The following ZBTB10 variants were observed in gnomAD, a reference collection of about 807,000 sequenced individuals.
The protein encoded by ZBTB10 is zinc finger and BTB domain-containing protein 10.
In ZBTB10, 32 loss-of-function variants were observed where a neutral mutation model predicts 76.4. The ratio of observed to expected loss-of-function variants is 0.42; its 90% CI spans 0.32 to 0.56. The LOEUF (loss-of-function observed/expected upper bound fraction) is 0.56. Ranked by LOEUF, ZBTB10 falls within the 20% of genes least tolerant of loss-of-function variation. ZBTB10 has a pLI of 0.14. For synonymous variants in ZBTB10, 523 were observed against 432.9 expected, an observed-to-expected ratio of 1.21 and a Z score of -2.58; for missense variants, 1,057 against 1,098.5, an observed-to-expected ratio of 0.96 and a Z score of 0.53.
rs1815488434 is a variant in ZBTB10 at position 80,487,085 on chromosome 8, A to G, written c.275A>G (p.Lys92Arg). The G allele has an allele frequency of 5.9e-6, 9 of 1,518,406 alleles. No individual in the cohort carries two copies. The East Asian group carries it at 1.0e-4, about 18-fold the overall frequency. 94.1% of individuals were successfully genotyped at this position (1,518,406 alleles called of 1,614,324 possible). Residue 92 changes from lysine (K) to arginine (R), a missense_variant, in exon 1 of 6, where the codon AAG (lysine) becomes AGG (arginine). This residue lies in a region of ZBTB10 where 556 missense variants were observed against 451.7 expected (regional missense o/e 1.23). Transcript: ENST00000455036. ...GPAAGAAEEAKELLLPQDAGG... is the reference protein window; with the variant it reads ...GPAAGAAEEARELLLPQDAGG... ...GCCGCCGGCGCCGCCGAGGAAGCCA[A>G]GGAGTTGCTGCTCCCCCAAGACGCG...
intron 1 of ZBTB10, among the ~76,000 whole-genome samples, chr8:80,489,029 T>C (rs1815557353): frequency 7.4e-6 from 1 of 136,050 alleles, no homozygotes; most frequent in Admixed American, 8.0e-5. Context: ...TTTGCACACA[T>C]TTTAGTTGCC....
Position 80,487,595 on chromosome 8 carries a change from G to C in ZBTB10, c.785G>C (p.Arg262Pro). 6.2e-7 allele frequency: 1 copy of C among 1,613,560 alleles called. No individual in the cohort carries two copies. Among genetic ancestry groups the C allele is most frequent in the Non-Finnish European group, 8.5e-7 (1 of 1,179,712 alleles). The change falls in exon 1 of 6, where the codon CGC becomes CCC. Residue 262 changes from arginine to proline, a missense_variant. Around this residue, in one of 5 missense-constraint regions of ZBTB10, gnomAD observed 556 missense variants for 451.7 expected, o/e 1.23. Transcript: ENST00000455036. The stretch of plus-strand genomic sequence containing the variant: ...TGGCTCAAGGACTTTCCCTGGCTGC[G>C]CTATTCCAAGGATACTGGTCTTATG... ...TSWLKDFPWL[R>P]YSKDTGLMSC...
chr8:80,505,425 C>T (rs1471714697), intron 2 of ZBTB10, among the ~76,000 whole-genome samples: 1 of 152,028 alleles, frequency 6.6e-6, no homozygotes, highest in African/African-American at 2.4e-5. Flanking sequence ...TGATGTAGTT[C>T]TATGTAAATG....
upstream of ZBTB10, chr8:80,486,049 G>A: frequency 6.2e-6 from 6 of 972,220 alleles, no homozygotes; most frequent in Non-Finnish European, 6.9e-6. Context: ...CCCCGCGGCC[G>A]CACCCCCGCC....
At chr8:80,485,635 G>C (rs923285414), upstream of ZBTB10, 3 of 584,242 alleles carry the variant, frequency 5.1e-6, no homozygotes, top group Non-Finnish European at 8.7e-6. Flanking sequence ...ACTACTGTCC[G>C]GGGCCCGAGG....
At chr8:80,495,135 CTT>C (rs368299745) in intron 1 of ZBTB10, among the ~76,000 whole-genome samples, 13 of 140,508 alleles carry the variant, frequency 9.3e-5, no homozygotes, top group Middle Eastern at 3.7e-3. Context: ...CTCTCTCTCT[CTT>C]TTTTTTTTTT....
intron 1 of ZBTB10, among the ~76,000 whole-genome samples, chr8:80,490,667 C>T (rs182682568): frequency 3.5e-4 from 53 of 152,308 alleles, no homozygotes; most frequent in African/African-American, 1.2e-3. Context: ...CACAAAGACA[C>T]TCTTAATATC....
At position 80,525,257 on chromosome 8, in the gene ZBTB10, CT is replaced by C. The variant is rs1816538461; in HGVS notation, c.*5732del. ...AGAATTTAGGCTATGACATAACTGTCTTTCTGAAGTTTAAAGAAAGAAAGTG... is the reference window on the plus strand; with the variant it reads ...AGAATTTAGGCTATGACATAACTGTCTTCTGAAGTTTAAAGAAAGAAAGTG... On this transcript the variant is annotated 3_prime_UTR_variant, in exon 6 of 6. Transcript: ENST00000455036. 6.6e-6 allele frequency: 1 copy of C among 152,044 alleles called. No individual in the cohort carries two copies. Among genetic ancestry groups the C allele is most frequent in the South Asian group, 2.1e-4 (1 of 4,828 alleles). The allele number at this position is 152,044 out of a possible 1,614,324, so 9.4% of individuals were successfully genotyped here.
chr8:80,519,799 T>C lies in ZBTB10; in HGVS notation c.*271T>C, dbSNP rs888298135. 2.7e-5 allele frequency: 8 copies of C among 292,558 alleles called. No homozygotes were observed. Among genetic ancestry groups the C allele is most frequent in the African/African-American group, 1.1e-4 (5 of 47,358 alleles). 18.1% of individuals were successfully genotyped at this position (292,558 alleles called of 1,614,324 possible). ...TAAAATATTTTTTATTTATAGGATA[T>C]ACAGTAACTATTTGGGTCCTATGAA... On this transcript the variant is annotated 3_prime_UTR_variant, in exon 6 of 6. Transcript: ENST00000455036.
chr8:80,487,471 A>C lies in ZBTB10; in HGVS notation c.661A>C (p.Ser221Arg). The C allele has an allele frequency of 1.3e-6, 2 of 1,551,620 alleles. No individual in the cohort carries two copies. Among genetic ancestry groups the C allele is most frequent in the Non-Finnish European group, 1.7e-6 (2 of 1,146,898 alleles). ...CGATGGCGGGGACGAAGTGGAGGGC[A>C]GCGGTGTGGGAGCTGGCGAAGGAGA... is the stretch of plus-strand genomic sequence containing the variant. ...GGDGGDEVEG[S>R]GVGAGEGETV... The change falls in exon 1 of 6, where the codon AGC becomes CGC. Residue 221 changes from serine (S) to arginine (R), a missense_variant. Ser to Arg is a moderately radical substitution (Grantham distance 110). Transcript: ENST00000455036.
At chr8:80,498,375 T>G (rs1464790458) in intron 1 of ZBTB10, among the ~76,000 whole-genome samples, 3 of 152,242 alleles carry the variant, frequency 2.0e-5, no homozygotes, top group Non-Finnish European at 2.9e-5. Flanking sequence ...TATGTTTAAC[T>G]TAATATTTTG....
intron 3 of ZBTB10, among the ~76,000 whole-genome samples, chr8:80,515,699 C>A (rs1453897711): frequency 6.6e-6 from 1 of 152,034 alleles, no homozygotes; most frequent in Non-Finnish European, 1.5e-5. Context: ...GGGGACATTT[C>A]GATTCATTAG....
rs1815872926 is a variant in ZBTB10 at position 80,499,693 on chromosome 8, CTT to C, written c.1174_1175del (p.Leu392IlefsTer10). The C allele has an allele frequency of 6.2e-7, 1 of 1,613,906 alleles. No homozygotes were observed. Among genetic ancestry groups the C allele is most frequent in the Non-Finnish European group, 8.5e-7 (1 of 1,179,860 alleles). On this transcript the variant is annotated frameshift_variant, in exon 2 of 6. Coordinates refer to ENST00000455036, the MANE Select transcript of ZBTB10 (RefSeq NM_001105539.3). LOFTEE classifies it high-confidence loss of function. Reference sequence around the variant, plus strand: ...GTTGCAGGCAGCCGTTTCTTTAAGACTTTATATTGCTTTTCAAACAAAGAAAG... The same window carrying C: ...GTTGCAGGCAGCCGTTTCTTTAAGACTATATTGCTTTTCAAACAAAGAAAG...
rs747169721 is a variant in ZBTB10 at position 80,519,363 on chromosome 8, A to G, written c.2451A>G (p.Gln817=). The change falls in exon 6 of 6, where the codon CAA becomes CAG. Residue 817 remains glutamine (Q), a synonymous_variant. Coordinates refer to ENST00000455036, the MANE Select transcript of ZBTB10 (RefSeq NM_001105539.3). ...CAGATAAATCACAGCCAGGAGGGCAAGAAGGTGTAGATCAGGGACAGGATA... is the reference window on the plus strand; with the variant it reads ...CAGATAAATCACAGCCAGGAGGGCAGGAAGGTGTAGATCAGGGACAGGATA... ...DCADKSQPGG[Q]EGVDQGQDTE... The G allele has an allele frequency of 1.2e-6, 2 of 1,613,650 alleles. No homozygotes were observed. The highest frequency in any genetic ancestry group is 2.2e-5 in the East Asian group (1 of 44,858).
chr8:80,503,905 G>GT (rs1330130334), intron 2 of ZBTB10, among the ~76,000 whole-genome samples: 1 of 152,168 alleles, frequency 6.6e-6, no homozygotes. Flanking sequence ...AAAGAGTCCT[G>GT]TTTTTGTAGG....
rs1201960218 is a variant in ZBTB10 at position 80,525,884 on chromosome 8, T to C, written c.*6356T>C. On this transcript the variant is annotated 3_prime_UTR_variant, in exon 6 of 6. Coordinates refer to ENST00000455036, the MANE Select transcript of ZBTB10 (RefSeq NM_001105539.3). ...ATGGCATGTAGCTATCAAGCCAGTT[T>C]CGTTTAGTTATTTTGTGTTGCCAAG... The C allele has an allele frequency of 2.6e-5, 4 of 152,174 alleles. No homozygotes were observed. The East Asian group carries it at 5.8e-4, about 22-fold the overall frequency. 9.4% of individuals were successfully genotyped at this position (152,174 alleles called of 1,614,324 possible).
Position 80,518,525 on chromosome 8 carries a change from T to G in ZBTB10, c.2083T>G (p.Phe695Val). The change falls in exon 4 of 6, where the codon TTC becomes GTC. Residue 695 changes from phenylalanine to valine, a missense_variant. Physicochemically the swap from Phe to Val is conservative, Grantham distance 50 (BLOSUM62 -1). Around this residue, in one of 5 missense-constraint regions of ZBTB10, gnomAD observed 306 missense variants for 297.5 expected, o/e 1.03. Transcript: ENST00000455036. Reference protein sequence around the residue: ...YGLIPGASNDFKYGLLPESWP... With the variant: ...YGLIPGASNDVKYGLLPESWP... ...ATTGATACCAGGTGCTTCAAATGAT[T>G]TCAAGTATGGATTATTGCCAGAATC... The G allele has an allele frequency of 6.4e-7, 1 of 1,553,458 alleles. No individual in the cohort carries two copies. The highest frequency in any genetic ancestry group is 2.0e-5 in the Admixed American group (1 of 51,186).
At position 80,519,331 on chromosome 8, in the gene ZBTB10, G is replaced by A. The variant is rs1395498579; in HGVS notation, c.2419G>A (p.Asp807Asn). The change falls in exon 6 of 6, where the codon GAC (aspartate) becomes AAC (asparagine). Residue 807 changes from aspartate (D) to asparagine (N), a missense_variant. By Grantham distance (23) the Asp-to-Asn change is conservative. Transcript: ENST00000455036. ...ATCTCGACGTTATGGTGTTTGTGTA[G>A]ACTGTGCAGATAAATCACAGCCAGG... is the stretch of plus-strand genomic sequence containing the variant. Reference protein sequence around the residue: ...HGSRRYGVCVDCADKSQPGGQ... With the variant: ...HGSRRYGVCVNCADKSQPGGQ... 1.9e-6 allele frequency: 3 copies of A among 1,613,714 alleles called. No individual in the cohort carries two copies. Among genetic ancestry groups the A allele is most frequent in the Non-Finnish European group, 2.5e-6 (3 of 1,179,776 alleles).
At chr8:80,487,889 C>T in intron 1 of ZBTB10, 107 bp downstream of exon 1, 2 of 1,278,914 alleles carry the variant, frequency 1.6e-6, no homozygotes, top group Non-Finnish European at 2.1e-6. Context: ...AACCATTTTC[C>T]TGGGTGAAGA....
Sources: gnomAD v4.1 joint callset for allele counts (sites outside exome capture counted in the v4.1 genomes callset) on GRCh38, gnomAD v4.1.1 for gene constraint, gnomAD v4.1.1 regional missense constraint, MANE v1.5 for transcripts, NCBI Gene and HGNC (gene_info 2026-07-23, HGNC 2026-07-21) for gene names.